Variants in KIRREL1 observed in about 807,000 individuals in gnomAD.
KIRREL1 encodes the protein kirre like nephrin family adhesion molecule 1.
Under a neutral mutation model 83.3 loss-of-function variants are expected in KIRREL1, and 25 were observed. That is an observed-to-expected ratio of 0.30 (90% CI 0.22 to 0.42). KIRREL1 has a LOEUF of 0.42. Ranked by LOEUF, KIRREL1 falls within the 10% of genes least tolerant of loss-of-function variation. The pLI, the probability that KIRREL1 is intolerant of heterozygous loss-of-function variation, is 1.00. For missense variants in KIRREL1, 812 were observed against 1,032.3 expected (o/e 0.79, Z 2.92); for synonymous variants, 388 against 410.4 (o/e 0.95, Z 0.66).
chr1:158,078,209 C>T, intron 3 of KIRREL1, 69 bp downstream of exon 3: 3 of 1,479,582 alleles, frequency 2.0e-6, no homozygotes, highest in Non-Finnish European at 2.8e-6. Flanking sequence ...CTCTCCCACT[C>T]TCCAGTTCCC....
intron 1 of KIRREL1, among the ~76,000 whole-genome samples, chr1:158,014,871 C>T (rs886549320): frequency 2.0e-5 from 3 of 152,024 alleles, no homozygotes; most frequent in Admixed American, 6.5e-5. Context: ...GGGTCTTCCT[C>T]GGAAGGGGAG....
At position 158,088,417 on chromosome 1, in the gene KIRREL1, C is replaced by A. The variant is rs750482066; in HGVS notation, c.1007C>A (p.Pro336His). 6 of 1,571,336 alleles carry A rather than the reference C, an allele frequency of 3.8e-6. No homozygotes were observed. The highest frequency in any genetic ancestry group is 5.3e-6 in the Non-Finnish European group (6 of 1,141,310). ...TLTCVWVGNP[P>H]LTLTWTKKDS... is the part of the protein sequence containing the mutation. Reference sequence around the variant, plus strand: ...ACCTGTGTCTGGGTTGGGAATCCCCCCCTCACTCTCACCTGGACCAAAAAG... The same window carrying A: ...ACCTGTGTCTGGGTTGGGAATCCCCACCTCACTCTCACCTGGACCAAAAAG... The change falls in exon 8 of 15, where the codon CCC (proline) becomes CAC (histidine). Residue 336 changes from proline to histidine, a missense_variant. Physicochemically the swap from Pro to His is moderately conservative, Grantham distance 77. This residue lies in a region of KIRREL1 where 472 missense variants were observed against 626.8 expected (regional missense o/e 0.75). Transcript: ENST00000359209.
intron 4 of KIRREL1, 51 bp downstream of exon 4, chr1:158,084,630 C>A: frequency 6.5e-7 from 1 of 1,530,652 alleles, no homozygotes; most frequent in Non-Finnish European, 8.8e-7. Flanking sequence ...CCCAGCTCAC[C>A]TCTCCTTTCC....
intron 1 of KIRREL1, among the ~76,000 whole-genome samples, chr1:158,017,306 C>T (rs1659855460): frequency 6.6e-6 from 1 of 152,186 alleles, no homozygotes; most frequent in Admixed American, 6.5e-5. Flanking sequence ...TCTTAGTTTT[C>T]TCTCCTACCC....
chr1:158,032,098 G>GA (rs67163306), intron 1 of KIRREL1, among the ~76,000 whole-genome samples: 124,429 of 150,974 alleles, frequency 0.82, 52,351 homozygotes, highest in Non-Finnish European at 0.9. Flanking sequence ...GAAAAGAAAA[G>GA]AAAAACAAAC....
At chr1:157,997,977 C>G (rs1156991165) in intron 1 of KIRREL1, among the ~76,000 whole-genome samples, 4 of 152,084 alleles carry the variant, frequency 2.6e-5, no homozygotes, top group Non-Finnish European at 5.9e-5. Context: ...CTCCTAGGCT[C>G]AAGCCATTCT....
intron 1 of KIRREL1, among the ~76,000 whole-genome samples, chr1:157,998,695 C>G (rs999409382): frequency 6.6e-6 from 1 of 152,092 alleles, no homozygotes; most frequent in African/African-American, 2.4e-5. Context: ...TTGTCTGGTC[C>G]CTGGTAGTCT....
chr1:158,077,860 T>C, intron 2 of KIRREL1, 131 bp from the exon 3 acceptor site: 3 of 1,026,256 alleles, frequency 2.9e-6, no homozygotes, highest in Non-Finnish European at 4.4e-6. Context: ...ATCAGGTGTC[T>C]GTGTCTGGGG....
intron 1 of KIRREL1, among the ~76,000 whole-genome samples, chr1:158,051,365 G>A (rs1660905839): frequency 6.6e-6 from 1 of 152,192 alleles, no homozygotes; most frequent in East Asian, 1.9e-4. Flanking sequence ...CAGATGATCA[G>A]TTATTCTTAT....
intron 1 of KIRREL1, among the ~76,000 whole-genome samples, chr1:158,012,570 G>A (rs893204219): frequency 1.3e-5 from 2 of 152,080 alleles, no homozygotes; most frequent in African/African-American, 2.4e-5. Context: ...AAGAGTCCTG[G>A]ATTTGTAATC....
intron 1 of KIRREL1, among the ~76,000 whole-genome samples, chr1:158,050,055 T>C (rs1660872565): frequency 6.6e-6 from 1 of 151,950 alleles, no homozygotes; most frequent in Non-Finnish European, 1.5e-5. Context: ...AGGTTTAAAG[T>C]AAAAAATCAG....
intron 1 of KIRREL1, among the ~76,000 whole-genome samples, chr1:158,029,366 T>TGTGTGTGTGTGTGTGCGCGCGC (rs1553238087): frequency 1.3e-5 from 2 of 148,930 alleles, no homozygotes; most frequent in African/African-American, 5.0e-5. Flanking sequence ...TGTGTGTGTG[T>TGTGTGTGTGTGTGTGCGCGCGC]GCACGTGCGC....
intron 1 of KIRREL1, among the ~76,000 whole-genome samples, chr1:158,051,035 G>A (rs149539529): frequency 1.4e-3 from 209 of 152,290 alleles, no homozygotes; most frequent in Middle Eastern, 0.014. Context: ...CCTTACTGGG[G>A]AGAAAAGACA....
chr1:158,024,875 C>A (rs891651127), intron 1 of KIRREL1, among the ~76,000 whole-genome samples: 2 of 152,050 alleles, frequency 1.3e-5, no homozygotes, highest in Non-Finnish European at 2.9e-5. Context: ...TAAGTAACTC[C>A]TTGGAGGTGG....
intron 4 of KIRREL1, among the ~76,000 whole-genome samples, chr1:158,085,555 G>T (rs1661989355): frequency 6.6e-6 from 1 of 152,126 alleles, no homozygotes; most frequent in Non-Finnish European, 1.5e-5. Flanking sequence ...AAACAAGTTG[G>T]TTTGTTAATA....
intron 1 of KIRREL1, among the ~76,000 whole-genome samples, chr1:158,057,043 C>T (rs907871723): frequency 6.6e-6 from 1 of 152,092 alleles, no homozygotes; most frequent in Non-Finnish European, 1.5e-5. Flanking sequence ...GCATTCCTTC[C>T]TTCGTTCATT....
chr1:158,033,825 C>A (rs1416492886), intron 1 of KIRREL1, among the ~76,000 whole-genome samples: 2 of 151,854 alleles, frequency 1.3e-5, no homozygotes, highest in Non-Finnish European at 2.9e-5. Flanking sequence ...ACTAAAAATA[C>A]AAAAATTAGC....
chr1:158,064,875 C>CATCTGGAA (rs1365027686), intron 1 of KIRREL1, among the ~76,000 whole-genome samples: 1 of 148,094 alleles, frequency 6.8e-6, no homozygotes, highest in African/African-American at 2.5e-5. Context: ...TCAGATGGTT[C>CATCTGGAA]ATCTGGAAAT....
intron 10 of KIRREL1, 78 bp from the exon 11 acceptor site, chr1:158,091,280 G>A: frequency 7.3e-7 from 1 of 1,369,700 alleles, no homozygotes; most frequent in Non-Finnish European, 1.0e-6. Flanking sequence ...GTGCCTTGAG[G>A]GTGGATCAGG....
Sources: gnomAD v4.1 joint callset for allele counts (sites outside exome capture counted in the v4.1 genomes callset) on GRCh38, gnomAD v4.1.1 for gene constraint, gnomAD v4.1.1 regional missense constraint, MANE v1.5 for transcripts, NCBI Gene and HGNC (gene_info 2026-07-23, HGNC 2026-07-21) for gene names.